MIF4GD: variants seen among roughly 807,000 people sequenced by gnomAD.
The protein encoded by MIF4GD is MIF4G domain-containing protein.
In MIF4GD, 22 loss-of-function variants were observed where a neutral mutation model predicts 26.7. The observed-to-expected ratio is 0.82, with a 90% CI of 0.59 to 1.18. The LOEUF is 1.18. MIF4GD is among the 50% of genes most tolerant of loss of function. The probability of loss-of-function intolerance (pLI) is 0.00; values close to 1 mark genes in which losing one functional copy is unlikely to be tolerated. For missense variants in MIF4GD, 262 were observed against 279.6 expected, an observed-to-expected ratio of 0.94 and a Z score of 0.45; for synonymous variants, 137 against 111.6, an observed-to-expected ratio of 1.23 and a Z score of -1.43.
At chr17:75,267,453 C>G in intron 5 of MIF4GD, 85 bp downstream of exon 5, 1 of 1,361,462 alleles carries the variant, frequency 7.3e-7, no homozygotes, top group South Asian at 1.2e-5. Context: ...TCAGAGACCT[C>G]CGTGAGCAGT....
chr17:75,268,368 T>A (rs894431084), intron 2 of MIF4GD, among the ~76,000 whole-genome samples, 176 bp from the exon 3 acceptor site: 2 of 152,136 alleles, frequency 1.3e-5, no homozygotes, highest in Non-Finnish European at 2.9e-5. Flanking sequence ...CGCATGGTAC[T>A]TATAAGAAAT....
Position 75,270,135 on chromosome 17 carries a change from G to T in MIF4GD, c.61C>A (p.Leu21Met). The T allele has an allele frequency of 6.2e-7, 1 of 1,614,072 alleles. No homozygotes were observed. The highest frequency in any genetic ancestry group is 8.5e-7 in the Non-Finnish European group (1 of 1,179,962). ...IQSFDAETQQLLKTALKDPGA... is the reference protein window; with the variant it reads ...IQSFDAETQQMLKTALKDPGA... ...TCACCTTTGAGTGCTGTCTTCAGCAGCTGCTGGGTCTCTGCATCAAAGGAC... is the reference window on the plus strand; with the variant it reads ...TCACCTTTGAGTGCTGTCTTCAGCATCTGCTGGGTCTCTGCATCAAAGGAC... The change falls in exon 2 of 6, where the codon CTG becomes ATG. Residue 21 changes from leucine (L) to methionine (M), a missense_variant. By Grantham distance (15) the Leu-to-Met change is conservative. Coordinates refer to ENST00000325102, the MANE Select transcript of MIF4GD (RefSeq NM_001370592.1). This position sits in a 1 kb window ranked among gnomAD's most constrained non-coding sequence, Gnocchi z 5.7.
rs1244550479 is a variant in MIF4GD at position 75,267,879 on chromosome 17, T to C, written c.215A>G (p.Gln72Arg). 1.9e-6 allele frequency: 3 copies of C among 1,613,198 alleles called. No individual in the cohort carries two copies. The highest frequency in any genetic ancestry group is 2.2e-5 in the East Asian group (1 of 44,886). ...GAGGAGTCCACGTCGGAAGACACTCTGGCCTGCTTGTTTACTCTCTGCCTG... is the reference window on the plus strand; with the variant it reads ...GAGGAGTCCACGTCGGAAGACACTCCGGCCTGCTTGTTTACTCTCTGCCTG... ...IIQAESKQAG[Q>R]SVFRRGLLNR... The change falls in exon 4 of 6, where the codon CAG (glutamine) becomes CGG (arginine). Residue 72 changes from glutamine (Q) to arginine (R), a missense_variant. Physicochemically the swap from Gln to Arg is conservative, Grantham distance 43. Transcript: ENST00000325102.
chr17:75,270,873 T>G lies in MIF4GD; in HGVS notation c.-51+271A>C, dbSNP rs1354314069. ...CAGGCTGGTCGGATCGGCTCCCGAG[T>G]GGCAGTAACCCGGCCCTACGCACTC... is the stretch of plus-strand genomic sequence containing the variant. On this transcript the variant is annotated intron_variant, in intron 1 of 5. Transcript: ENST00000325102. The surrounding 1 kb of genome is among the most constrained non-coding windows in gnomAD (Gnocchi z 5.7). 3 of 152,524 alleles carry G rather than the reference T, an allele frequency of 2.0e-5. No homozygotes were observed. Among genetic ancestry groups the G allele is most frequent in the African/African-American group, 7.2e-5 (3 of 41,544 alleles). The allele number at this position is 152,524 out of a possible 1,614,324, so 9.4% of individuals were successfully genotyped here.
Position 75,267,560 on chromosome 17 carries a change from T to C in MIF4GD, c.419A>G (p.Asp140Gly). The C allele has an allele frequency of 1.9e-6, 3 of 1,613,968 alleles. No homozygotes were observed. The highest frequency in any genetic ancestry group is 1.7e-6 in the Non-Finnish European group (2 of 1,179,840). The change falls in exon 5 of 6, where the codon GAC (aspartate) becomes GGC (glycine). Residue 140 changes from aspartate to glycine, a missense_variant. Asp to Gly is a moderately conservative substitution (Grantham distance 94). Transcript: ENST00000325102. Reference sequence around the variant, plus strand: ...CACCTCCTCCTCCTTGCTCAAACTGTCTGGCTGGGCCAGCCGGAAGAGGCA... The same window carrying C: ...CACCTCCTCCTCCTTGCTCAAACTGCCTGGCTGGGCCAGCCGGAAGAGGCA... ...YDCLFRLAQP[D>G]SLSKEEEVDC...
rs138644253 is a variant in MIF4GD at position 75,266,360 on chromosome 17, A to G, written c.*380T>C. 302 of 369,696 alleles carry G rather than the reference A, an allele frequency of 8.2e-4. 1 individual carries two copies. Among genetic ancestry groups the G allele is most frequent in the African/African-American group, 5.3e-3 (258 of 48,686 alleles). 22.9% of individuals were successfully genotyped at this position (369,696 alleles called of 1,614,324 possible). On this transcript the variant is annotated 3_prime_UTR_variant, in exon 6 of 6. Coordinates refer to ENST00000325102, the MANE Select transcript of MIF4GD (RefSeq NM_001370592.1). ...TTGTCCTTATACAAAATGTATAAAAAGCAGTTTCTGGTGTGACTTGTGCTC... is the reference window on the plus strand; with the variant it reads ...TTGTCCTTATACAAAATGTATAAAAGGCAGTTTCTGGTGTGACTTGTGCTC...
At chr17:75,267,942 G>T in intron 3 of MIF4GD, 41 bp from the exon 4 acceptor site, 1 of 1,601,762 alleles carries the variant, frequency 6.2e-7, no homozygotes. Flanking sequence ...GGGGGGCGGT[G>T]CCCCTGTAAC....
rs768910500 is a variant in MIF4GD at position 75,266,815 on chromosome 17, G to T, written c.594C>A (p.Ile198=). ...TCCAGCCGGCCGCCCGGAACTCAATGATCTCCAGCAGCAGCAGCTGGGCCA... is the reference window on the plus strand; with the variant it reads ...TCCAGCCGGCCGCCCGGAACTCAATTATCTCCAGCAGCAGCAGCTGGGCCA... ...SSLAQLLLLE[I]IEFRAAGWKT... The change falls in exon 6 of 6, where the codon ATC becomes ATA. Residue 198 remains isoleucine (I), a synonymous_variant. Transcript: ENST00000325102. 29 of 1,614,104 alleles carry T rather than the reference G, an allele frequency of 1.8e-5. No individual in the cohort carries two copies. The highest frequency in any genetic ancestry group is 1.8e-5 in the Non-Finnish European group (21 of 1,180,048).
Position 75,270,551 on chromosome 17 carries a change from T to C in MIF4GD, c.-50-306A>G, listed in dbSNP as rs547378957. ...CAGGAGTAGACTGGGGCAGGGTGTG[T>C]GCGGGCGGACGTTACAGTTGCTTAA... is the stretch of plus-strand genomic sequence containing the variant. On this transcript the variant is annotated intron_variant, in intron 1 of 5. Coordinates refer to ENST00000325102, the MANE Select transcript of MIF4GD (RefSeq NM_001370592.1). This position sits in a 1 kb window ranked among gnomAD's most constrained non-coding sequence, Gnocchi z 5.7. The C allele has an allele frequency of 3.9e-6, 1 of 253,672 alleles. No homozygotes were observed. The highest frequency in any genetic ancestry group is 2.3e-5 in the African/African-American group (1 of 44,312). 15.7% of individuals were successfully genotyped at this position (253,672 alleles called of 1,614,324 possible).
chr17:75,266,600 A>C lies in MIF4GD; in HGVS notation c.*140T>G. The C allele has an allele frequency of 1.3e-6, 1 of 778,678 alleles. No homozygotes were observed. Among genetic ancestry groups the C allele is most frequent in the East Asian group, 2.6e-5 (1 of 37,738 alleles). The allele number at this position is 778,678 out of a possible 1,614,324, so 48.2% of individuals were successfully genotyped here. A position where few individuals can be genotyped will look rare whatever the true frequency, so the allele number is the denominator to read the frequency against. ...CGGCATAAGTGGGAAACATCTCACCAGGAGATGGGAAAGTCTAGAAGGGAA... is the reference window on the plus strand; with the variant it reads ...CGGCATAAGTGGGAAACATCTCACCCGGAGATGGGAAAGTCTAGAAGGGAA... On this transcript the variant is annotated 3_prime_UTR_variant, in exon 6 of 6. Transcript: ENST00000325102.
In MIF4GD at chr17:75,266,543, TGTG is replaced by T; in HGVS notation, c.*194_*196del. The T allele has an allele frequency of 8.2e-6, 5 of 613,358 alleles. No individual in the cohort carries two copies. The highest frequency in any genetic ancestry group is 2.0e-5 in the South Asian group (1 of 51,114). The allele number at this position is 613,358 out of a possible 1,614,324, so 38.0% of individuals were successfully genotyped here. A position where few individuals can be genotyped will look rare whatever the true frequency, so the allele number is the denominator to read the frequency against. On this transcript the variant is annotated 3_prime_UTR_variant, in exon 6 of 6. Transcript: ENST00000325102. Reference sequence around the variant, plus strand: ...CCTTCTCTGCCTGGCCGTGGTGGGTTGTGGTGGGGAAAGGGGCTCAGGGCAGGA... The same window carrying T: ...CCTTCTCTGCCTGGCCGTGGTGGGTTGTGGGGAAAGGGGCTCAGGGCAGGA...
intron 2 of MIF4GD, among the ~76,000 whole-genome samples, chr17:75,269,743 T>C (rs967424644): frequency 1.3e-4 from 11 of 87,214 alleles, no homozygotes; most frequent in African/African-American, 4.0e-4. Flanking sequence ...TTTTCTTTCT[T>C]TTTTTTTTTT....
chr17:75,269,607 T>C, intron 2 of MIF4GD: 1 of 862,882 alleles, frequency 1.2e-6, no homozygotes, highest in Non-Finnish European at 1.7e-6. Context: ...GTAGCCAGGC[T>C]GGAGTGCAGT....
chr17:75,267,989 G>C (rs2077565592), intron 3 of MIF4GD, 88 bp from the exon 4 acceptor site: 2 of 1,603,360 alleles, frequency 1.2e-6, no homozygotes, highest in African/African-American at 2.7e-5. Context: ...CTTTGAGCTA[G>C]ACCCTGTGCA....
At chr17:75,266,990 C>G in intron 5 of MIF4GD, 23 bp from the exon 6 acceptor site, 1 of 1,600,282 alleles carries the variant, frequency 6.2e-7, no homozygotes, top group Non-Finnish European at 8.5e-7. Flanking sequence ...GTGTGGGTAA[C>G]ACAAGTGAAC....
At chr17:75,269,235 G>A (rs1253253914) in intron 2 of MIF4GD, 3 of 1,214,062 alleles carry the variant, frequency 2.5e-6, no homozygotes, top group South Asian at 2.9e-5. Context: ...AAGAAAAAGT[G>A]TTCTTATACT....
Position 75,269,465 on chromosome 17 carries a change from C to A in MIF4GD, c.82+649G>T, listed in dbSNP as rs773787344. The A allele has an allele frequency of 1.9e-6, 3 of 1,610,990 alleles. No homozygotes were observed. In the East Asian group the frequency reaches 6.7e-5, roughly 36 times the overall value. On this transcript the variant is annotated intron_variant, in intron 2 of 5. Coordinates refer to ENST00000325102, the MANE Select transcript of MIF4GD (RefSeq NM_001370592.1). ...AGCAGGCAACTGTGCATTCAAGAGA[C>A]GGGGCTATGGCAGCACAGAAACCAG...
chr17:75,269,733 TTTTC>T lies in MIF4GD; in HGVS notation c.82+377_82+380del, dbSNP rs1423771309. Among the ~76,000 whole-genome samples the T allele has an allele frequency of 3.7e-4, 15 of 40,774 alleles. 1 individual carries two copies. The highest frequency in any genetic ancestry group is 9.1e-3 in the Middle Eastern group (1 of 110). 26.7% of individuals were successfully genotyped at this position (40,774 alleles called of 152,430 possible). On this transcript the variant is annotated intron_variant, in intron 2 of 5. Transcript: ENST00000325102. ...TGCCACTATGCCCGGCTAATTTTTCTTTTCTTTCTTTTTTTTTTTTTTTTTGTAG... is the reference window on the plus strand; with the variant it reads ...TGCCACTATGCCCGGCTAATTTTTCTTTTCTTTTTTTTTTTTTTTTTGTAG...
rs2077492722 is a variant in MIF4GD at position 75,266,640 on chromosome 17, G to A, written c.*100C>T. On this transcript the variant is annotated 3_prime_UTR_variant, in exon 6 of 6. Transcript: ENST00000325102. Reference sequence around the variant, plus strand: ...CTAGAAGGGAAGACACTCAAAGTCTGGAAGGGAAAAGTCTTTGGGTGAGGC... The same window carrying A: ...CTAGAAGGGAAGACACTCAAAGTCTAGAAGGGAAAAGTCTTTGGGTGAGGC... 9.0e-7 allele frequency: 1 copy of A among 1,105,772 alleles called. No individual in the cohort carries two copies. The highest frequency in any genetic ancestry group is 1.3e-5 in the South Asian group (1 of 76,490). The allele number at this position is 1,105,772 out of a possible 1,614,324, so 68.5% of individuals were successfully genotyped here. A position where few individuals can be genotyped will look rare whatever the true frequency, so the allele number is the denominator to read the frequency against.
Sources: gnomAD v4.1 joint callset for allele counts (sites outside exome capture counted in the v4.1 genomes callset) on GRCh38, gnomAD v4.1.1 for gene constraint, Gnocchi (gnomAD v3.1) non-coding constraint, MANE v1.5 for transcripts, NCBI Gene and HGNC (gene_info 2026-07-23, HGNC 2026-07-21) for gene names.